The following FRMD1 variants were observed in gnomAD, a reference collection of about 807,000 sequenced individuals.
FRMD1 encodes the protein FERM domain containing 1, also known as FERM domain-containing protein 1.
A neutral mutation model predicts 54.9 loss-of-function variants in FRMD1; 51 were observed. That is an observed-to-expected ratio of 0.93 (90% CI 0.74 to 1.17). The LOEUF is 1.17. Ranked by LOEUF, FRMD1 falls within the 50% of genes most tolerant of loss-of-function variation. The pLI, the probability that FRMD1 is intolerant of heterozygous loss-of-function variation, is 0.00. For synonymous variants in FRMD1, 324 were observed against 306.4 expected (o/e 1.06, Z -0.60); for missense variants, 729 against 743.0 (o/e 0.98, Z 0.22).
At chr6:168,073,932 CAG>C (rs1159011044) in intron 2 of FRMD1, among the ~76,000 whole-genome samples, 12 of 151,994 alleles carry the variant, frequency 7.9e-5, no homozygotes, top group African/African-American at 1.2e-4. Context: ...GGCAGCAAGA[CAG>C]GGGGATATTC....
chr6:168,059,340 T>C lies in FRMD1; in HGVS notation c.1343-152A>G. 1.6e-6 allele frequency: 1 copy of C among 637,838 alleles called. No homozygotes were observed. The highest frequency in any genetic ancestry group is 2.7e-6 in the Non-Finnish European group (1 of 369,120). The allele number at this position is 637,838 out of a possible 1,614,324, so 39.5% of individuals were successfully genotyped here. On this transcript the variant is annotated intron_variant, in intron 9 of 10. Coordinates refer to ENST00000283309, the MANE Select transcript of FRMD1 (RefSeq NM_024919.6). The surrounding 1 kb of genome is among the most constrained non-coding windows in gnomAD (Gnocchi z 4.4). The stretch of plus-strand genomic sequence containing the variant: ...CCCTTGCTCTCAGTGCGGTGACTGC[T>C]TTTGCTCCATTCCCCGACATCTGAT...
chr6:168,075,845 G>A (rs1024862441), intron 1 of FRMD1: 21 of 1,528,398 alleles, frequency 1.4e-5, no homozygotes, highest in Non-Finnish European at 1.8e-5. Context: ...CCCTGTTTCC[G>A]GCGTCCCGTG....
At chr6:168,076,189 C>T (rs1480919834) in intron 1 of FRMD1, among the ~76,000 whole-genome samples, 1 of 152,224 alleles carries the variant, frequency 6.6e-6, no homozygotes, top group East Asian at 1.9e-4. Context: ...GCGCTCTGCT[C>T]TCAGACTCTC....
chr6:168,069,052 C>T (rs1351571947), intron 2 of FRMD1, among the ~76,000 whole-genome samples: 2 of 152,236 alleles, frequency 1.3e-5, no homozygotes, highest in African/African-American at 4.8e-5. Flanking sequence ...ACAACCACAG[C>T]AACTCACTGC....
chr6:168,086,297 C>T (rs377554429), upstream of FRMD1, among the ~76,000 whole-genome samples: 3 of 148,890 alleles, frequency 2.0e-5, no homozygotes, highest in East Asian at 6.0e-4. Context: ...ACACTGCCCA[C>T]GTTCCAGCAT....
intron 1 of FRMD1, among the ~76,000 whole-genome samples, chr6:168,089,755 A>G (rs1395700899): frequency 6.6e-6 from 1 of 152,186 alleles, no homozygotes. Flanking sequence ...TCTGTTTTAC[A>G]CAGAGACACT....
chr6:168,061,945 C>G lies in FRMD1; in HGVS notation c.907G>C (p.Ala303Pro). ...GTGTAGTAAACCAGCTTCTGTGCTG[C>G]GGGCAGCCCATCCAGCTGGATCTCC... ...KLEIQLDGLP[A>P]AQKLVYYTGC... Residue 303 changes from alanine (A) to proline (P), a missense_variant, in exon 8 of 11, where the codon GCA becomes CCA. Physicochemically the swap from Ala to Pro is conservative, Grantham distance 27. Transcript: ENST00000283309. 6.2e-7 allele frequency: 1 copy of G among 1,600,354 alleles called. No homozygotes were observed. The highest frequency in any genetic ancestry group is 8.5e-7 in the Non-Finnish European group (1 of 1,174,512).
upstream of FRMD1, among the ~76,000 whole-genome samples, chr6:168,084,025 T>C (rs9455947): frequency 0.87 from 133,138 of 152,238 alleles, 58,281 homozygotes; most frequent in South Asian, 0.91. Context: ...CCGAGTCCTG[T>C]GGGTCCAAAC....
chr6:168,068,530 T>C (rs1800153330), intron 2 of FRMD1, among the ~76,000 whole-genome samples: 1 of 152,230 alleles, frequency 6.6e-6, no homozygotes, highest in South Asian at 2.1e-4. Flanking sequence ...CCTGATGCAA[T>C]GTAAATGCTG....
At chr6:168,075,870 GCCC>G in intron 1 of FRMD1, 2 of 1,317,956 alleles carry the variant, frequency 1.5e-6, no homozygotes, top group South Asian at 1.3e-5. Flanking sequence ...CATTTCCGGT[GCCC>G]GGTGTCCACA....
chr6:168,068,349 G>A (rs747540174), intron 2 of FRMD1, among the ~76,000 whole-genome samples: 1 of 152,118 alleles, frequency 6.6e-6, no homozygotes, highest in Non-Finnish European at 1.5e-5. Flanking sequence ...AAAGCCTAGA[G>A]AGACACCATT....
chr6:168,062,059 C>T lies in FRMD1; in HGVS notation c.871-78G>A, dbSNP rs1799771848. 4.8e-6 allele frequency: 7 copies of T among 1,459,156 alleles called. No homozygotes were observed. The South Asian group carries it at 7.9e-5, about 16-fold the overall frequency. 90.4% of individuals were successfully genotyped at this position (1,459,156 alleles called of 1,614,324 possible). A position where few individuals can be genotyped will look rare whatever the true frequency, so the allele number is the denominator to read the frequency against. On this transcript the variant is annotated intron_variant, in intron 7 of 10. Transcript: ENST00000283309. Reference sequence around the variant, plus strand: ...CACAGGAAAGGATGATTTTAAATGTCAGCCATGGCCCCCAGGGGGACGAGG... The same window carrying T: ...CACAGGAAAGGATGATTTTAAATGTTAGCCATGGCCCCCAGGGGGACGAGG...
At chr6:168,072,900 C>T (rs1381880181) in intron 2 of FRMD1, among the ~76,000 whole-genome samples, 1 of 152,166 alleles carries the variant, frequency 6.6e-6, no homozygotes, top group African/African-American at 2.4e-5. Flanking sequence ...AACATCCCGC[C>T]CTCCCCTGAG....
chr6:168,057,020 G>A lies in FRMD1; in HGVS notation c.*77C>T. 1 of 1,409,116 alleles carries A rather than the reference G, an allele frequency of 7.1e-7. No homozygotes were observed. The highest frequency in any genetic ancestry group is 9.3e-7 in the Non-Finnish European group (1 of 1,078,496). 87.3% of individuals were successfully genotyped at this position (1,409,116 alleles called of 1,614,324 possible). ...CAGGCAGCATCTGGCGGGCAGGAAG[G>A]GACGAGGGCCATGTGGAAGTGGGGT... On this transcript the variant is annotated 3_prime_UTR_variant, in exon 11 of 11. Transcript: ENST00000283309.
intron 1 of FRMD1, among the ~76,000 whole-genome samples, chr6:168,076,501 C>T (rs1006475288): frequency 6.6e-6 from 1 of 152,174 alleles, no homozygotes; most frequent in South Asian, 2.1e-4. Context: ...CCATCCAGTT[C>T]TCATGATAGT....
upstream of FRMD1, among the ~76,000 whole-genome samples, chr6:168,084,254 C>T (rs779361372): frequency 1.2e-4 from 19 of 152,164 alleles, no homozygotes; most frequent in Non-Finnish European, 2.5e-4. Flanking sequence ...GCATGAAACC[C>T]ATGCTTTAGT....
intron 1 of FRMD1, among the ~76,000 whole-genome samples, chr6:168,088,406 C>T (rs754275358): frequency 1.8e-4 from 27 of 152,218 alleles, no homozygotes; most frequent in Non-Finnish European, 3.7e-4. Context: ...GGCCTCTCAG[C>T]TGCTACTGCT....
chr6:168,083,467 GC>G (rs1194587833), upstream of FRMD1, among the ~76,000 whole-genome samples: 6 of 152,236 alleles, frequency 3.9e-5, no homozygotes, highest in Non-Finnish European at 8.8e-5. Flanking sequence ...TGAACTAAGT[GC>G]CATGAAACCA....
chr6:168,072,651 G>A (rs950181767), intron 2 of FRMD1, among the ~76,000 whole-genome samples: 7 of 152,232 alleles, frequency 4.6e-5, no homozygotes, highest in African/African-American at 9.6e-5. Context: ...GATGGGTCCT[G>A]GCCCGGGTTT....
Sources: allele counts gnomAD v4.1 joint callset (sites outside exome capture counted in the v4.1 genomes callset), GRCh38; gene constraint gnomAD v4.1.1; non-coding constraint Gnocchi (gnomAD v3.1); transcripts MANE v1.5; gene names NCBI Gene and HGNC (gene_info 2026-07-23, HGNC 2026-07-21).